FBXW7: variants seen among roughly 807,000 people sequenced by gnomAD.
FBXW7 encodes F-box/WD repeat-containing protein 7.
FBXW7 carries 11 observed loss-of-function variants against 86.3 expected under a neutral mutation model. The ratio of observed to expected loss-of-function variants is 0.13; its 90% CI spans 0.08 to 0.21. FBXW7 has a LOEUF of 0.21. FBXW7 is among the 10% of genes least tolerant of loss of function. The pLI is 1.00. For synonymous variants in FBXW7, 313 were observed against 297.9 expected (o/e 1.05, Z -0.52); for missense variants, 488 against 847.4 (o/e 0.58, Z 5.27).
chr4:152,454,493 G>C (rs1742225171), intron 2 of FBXW7, among the ~76,000 whole-genome samples: 1 of 151,948 alleles, frequency 6.6e-6, no homozygotes, highest in Non-Finnish European at 1.5e-5. Context: ...TCAGACATAG[G>C]AGCTCTTCTA....
intron 12 of FBXW7, chr4:152,325,764 T>G: frequency 2.3e-6 from 1 of 437,638 alleles, no homozygotes; most frequent in East Asian, 3.5e-5. Context: ...CCCCAAAGTG[T>G]CAGGTTGCAA....
intron 2 of FBXW7, among the ~76,000 whole-genome samples, chr4:152,471,217 T>A (rs1324798716): frequency 6.6e-6 from 1 of 151,710 alleles, no homozygotes; most frequent in African/African-American, 2.4e-5. Flanking sequence ...ATTAGAGACC[T>A]ATATATATAA....
intron 5 of FBXW7, among the ~76,000 whole-genome samples, chr4:152,347,433 A>C (rs545153148): frequency 1.3e-5 from 2 of 152,154 alleles, no homozygotes; most frequent in South Asian, 2.1e-4. Context: ...TTGGTGACAT[A>C]AGTAAAGTTT....
chr4:152,362,729 G>A (rs1733091791), intron 4 of FBXW7, among the ~76,000 whole-genome samples: 1 of 150,464 alleles, frequency 6.6e-6, no homozygotes, highest in Non-Finnish European at 1.5e-5. Context: ...TTGGGAGGCT[G>A]AGGCAGAGAA....
intron 2 of FBXW7, among the ~76,000 whole-genome samples, chr4:152,483,096 A>C (rs1745028875): frequency 6.6e-6 from 1 of 152,138 alleles, no homozygotes; most frequent in African/African-American, 2.4e-5. Context: ...ATTTTGTTGG[A>C]ATATTATTAT....
At chr4:152,398,287 G>A (rs1420601350) in intron 4 of FBXW7, among the ~76,000 whole-genome samples, 2 of 151,558 alleles carry the variant, frequency 1.3e-5, no homozygotes, top group Admixed American at 6.6e-5. Context: ...TGAAGAAACA[G>A]ATAAATTCTT....
At position 152,325,993 on chromosome 4, in the gene FBXW7, T is replaced by C. The variant is rs150453955; in HGVS notation, c.1644+13A>G. 1.2e-4 allele frequency: 200 copies of C among 1,603,400 alleles called. No individual in the cohort carries two copies. The African/African-American group carries it at 1.4e-3, about 11-fold the overall frequency. On this transcript the variant is annotated intron_variant, in intron 12 of 13. Transcript: ENST00000281708. ...ATCAGGAGAGCATTTAAGGGAGAGA[T>C]AAGAGATCTTACCTGTAATGAATAG... is the stretch of plus-strand genomic sequence containing the variant.
chr4:152,440,792 A>G (rs1740820791), intron 2 of FBXW7, among the ~76,000 whole-genome samples: 1 of 152,164 alleles, frequency 6.6e-6, no homozygotes, highest in Admixed American at 6.5e-5. Flanking sequence ...CCCTGCTCCA[A>G]ATCATGTCCT....
chr4:152,433,193 C>T (rs1740068625), intron 2 of FBXW7, among the ~76,000 whole-genome samples: 1 of 152,130 alleles, frequency 6.6e-6, no homozygotes, highest in South Asian at 2.1e-4. Context: ...TATAAGCATT[C>T]TTGTGCCAGC....
At chr4:152,386,116 G>A (rs1164198806) in intron 4 of FBXW7, among the ~76,000 whole-genome samples, 1 of 152,006 alleles carries the variant, frequency 6.6e-6, no homozygotes, top group African/African-American at 2.4e-5. Flanking sequence ...TTCAAGAAAA[G>A]ATAAAGTCTG....
chr4:152,351,591 T>C (rs563147460), intron 4 of FBXW7, among the ~76,000 whole-genome samples: 2 of 152,152 alleles, frequency 1.3e-5, no homozygotes, highest in Admixed American at 6.5e-5. Context: ...ATATAATTTA[T>C]AGATACACAC....
rs1035493513 is a variant in FBXW7 at position 152,322,031 on chromosome 4, C to A, written c.*850G>T. 4.3e-6 allele frequency: 1 copy of A among 232,648 alleles called. No individual in the cohort carries two copies. Among genetic ancestry groups the A allele is most frequent in the Non-Finnish European group, 8.5e-6 (1 of 117,678 alleles). The allele number at this position is 232,648 out of a possible 1,614,324, so 14.4% of individuals were successfully genotyped here. ...TTTGGAATTCAGTCTGGGACTAAAA[C>A]GTCACAGCAGAAAAAAAATAAAAAA... On this transcript the variant is annotated 3_prime_UTR_variant, in exon 14 of 14. Transcript: ENST00000281708.
At chr4:152,507,677 T>A (rs553752265) in intron 2 of FBXW7, among the ~76,000 whole-genome samples, 1 of 152,168 alleles carries the variant, frequency 6.6e-6, no homozygotes, top group African/African-American at 2.4e-5. Flanking sequence ...GGAATCAATA[T>A]TCCTTGGTGA....
At chr4:152,432,721 AG>A (rs1402086241) in intron 2 of FBXW7, among the ~76,000 whole-genome samples, 1 of 152,228 alleles carries the variant, frequency 6.6e-6, no homozygotes. Context: ...CTGAGGCAGG[AG>A]AATCACTTGA....
chr4:152,338,799 C>A (rs1236898708), intron 6 of FBXW7, among the ~76,000 whole-genome samples: 2 of 152,090 alleles, frequency 1.3e-5, no homozygotes, highest in African/African-American at 4.8e-5. Flanking sequence ...AATGAAAGAA[C>A]ATTCTTAAGC....
intron 2 of FBXW7, among the ~76,000 whole-genome samples, chr4:152,504,717 G>A (rs1431135613): frequency 6.6e-6 from 1 of 152,200 alleles, no homozygotes; most frequent in Non-Finnish European, 1.5e-5. Flanking sequence ...GAAATCTAAA[G>A]GAAGATCAAT....
chr4:152,431,684 G>A (rs1440242609), intron 2 of FBXW7, among the ~76,000 whole-genome samples: 1 of 152,162 alleles, frequency 6.6e-6, no homozygotes, highest in Non-Finnish European at 1.5e-5. Flanking sequence ...GGAACCCAGA[G>A]AAGAGAGTAT....
intron 4 of FBXW7, among the ~76,000 whole-genome samples, chr4:152,388,589 C>T (rs1237835837): frequency 6.6e-6 from 1 of 152,012 alleles, no homozygotes; most frequent in Non-Finnish European, 1.5e-5. Flanking sequence ...ACACAGAAAA[C>T]CAACCAAAAC....
At chr4:152,503,020 C>T (rs1298405264) in intron 2 of FBXW7, among the ~76,000 whole-genome samples, 1 of 152,030 alleles carries the variant, frequency 6.6e-6, no homozygotes, top group Non-Finnish European at 1.5e-5. Flanking sequence ...TAAATTCTTG[C>T]GCCAAAAGAA....
Sources: gnomAD v4.1 joint callset for allele counts (sites outside exome capture counted in the v4.1 genomes callset) on GRCh38, gnomAD v4.1.1 for gene constraint, MANE v1.5 for transcripts, NCBI Gene and HGNC (gene_info 2026-07-23, HGNC 2026-07-21) for gene names.